Variants in SYT10 observed in about 807,000 individuals in gnomAD.
SYT10 encodes the protein synaptotagmin-10.
A neutral mutation model predicts 51.1 loss-of-function variants in SYT10; 31 were observed. The ratio of observed to expected loss-of-function variants is 0.61; its 90% confidence interval spans 0.46 to 0.82. The LOEUF is 0.82. Among genes scored for constraint, SYT10 ranks in the 40% least tolerant of loss-of-function variants. The pLI is 0.00. For missense variants in SYT10, 603 were observed against 634.0 expected (o/e 0.95, Z 0.53); for synonymous variants, 233 against 225.9 (o/e 1.03, Z -0.28).
intron 4 of SYT10, among the ~76,000 whole-genome samples, chr12:33,384,858 T>TATA (rs770592053): frequency 2.6e-4 from 39 of 152,292 alleles, no homozygotes; most frequent in Middle Eastern, 3.4e-3. Context: ...AATCTTCCTT[T>TATA]ATAAAAACTG....
At chr12:33,429,594 T>C (rs1866580818) in intron 1 of SYT10, among the ~76,000 whole-genome samples, 1 of 152,180 alleles carries the variant, frequency 6.6e-6, no homozygotes, top group Non-Finnish European at 1.5e-5. Flanking sequence ...GGTTTGTTTA[T>C]TTTTCCAGAA....
At chr12:33,438,679 C>G (rs910147921) in intron 1 of SYT10, among the ~76,000 whole-genome samples, 2 of 152,188 alleles carry the variant, frequency 1.3e-5, no homozygotes, top group African/African-American at 2.4e-5. Flanking sequence ...GGATTTTAAA[C>G]GTCTCCCCTC....
intron 2 of SYT10, among the ~76,000 whole-genome samples, chr12:33,422,620 C>T (rs533799559): frequency 2.0e-5 from 3 of 151,848 alleles, no homozygotes; most frequent in African/African-American, 7.2e-5. Context: ...GATCACAGTA[C>T]CTTATCTGCT....
intron 3 of SYT10, among the ~76,000 whole-genome samples, chr12:33,395,526 G>A (rs1431464411): frequency 6.6e-6 from 1 of 152,150 alleles, no homozygotes; most frequent in East Asian, 1.9e-4. Flanking sequence ...CAACCTTCAA[G>A]CATTAAAATA....
intron 3 of SYT10, among the ~76,000 whole-genome samples, chr12:33,386,065 C>T (rs1866154010): frequency 6.6e-6 from 1 of 152,082 alleles, no homozygotes; most frequent in Admixed American, 6.6e-5. Context: ...GCTCTGTTGC[C>T]CAGGCTGGAG....
Position 33,407,359 on chromosome 12 carries a change from G to A in SYT10, c.510-3C>T. On this transcript the variant is annotated splice_region_variant and splice_polypyrimidine_tract_variant and intron_variant, in intron 2 of 6. Transcript: ENST00000228567. ...GGTGTCTTCGGAAGGAACTGTGGCT[G>A]AACACACACACATATACACAAAATC... 1 of 1,601,280 alleles carries A rather than the reference G, an allele frequency of 6.2e-7. No homozygotes were observed. Among genetic ancestry groups the A allele is most frequent in the Non-Finnish European group, 8.5e-7 (1 of 1,179,618 alleles).
chr12:33,439,004 G>A (rs1324061378), intron 1 of SYT10, among the ~76,000 whole-genome samples: 3 of 152,218 alleles, frequency 2.0e-5, no homozygotes, highest in South Asian at 2.1e-4. Context: ...GCCCCCACAA[G>A]CAGCCAAGCC....
intron 1 of SYT10, chr12:33,432,493 A>T (rs1239103134): frequency 1.3e-5 from 2 of 152,122 alleles, no homozygotes; most frequent in Non-Finnish European, 2.9e-5. Flanking sequence ...GCTTTCACAT[A>T]GTAAGCGCTC....
At chr12:33,401,339 T>C (rs1370834949) in intron 3 of SYT10, among the ~76,000 whole-genome samples, 1 of 152,210 alleles carries the variant, frequency 6.6e-6, no homozygotes, top group East Asian at 1.9e-4. Flanking sequence ...TTATTCCCTA[T>C]GCTGGAGATG....
At chr12:33,426,776 T>C (rs1457804475) in intron 1 of SYT10, among the ~76,000 whole-genome samples, 1 of 152,164 alleles carries the variant, frequency 6.6e-6, no homozygotes, top group Non-Finnish European at 1.5e-5. Context: ...GTTCAAGATT[T>C]TGCAAACAAG....
intron 3 of SYT10, among the ~76,000 whole-genome samples, chr12:33,394,019 T>G (rs1307149035): frequency 1.3e-5 from 2 of 152,180 alleles, no homozygotes; most frequent in African/African-American, 4.8e-5. Context: ...GGTTGATGGG[T>G]GTAAGATCCT....
At chr12:33,396,383 A>G (rs1389550566) in intron 3 of SYT10, among the ~76,000 whole-genome samples, 4 of 152,226 alleles carry the variant, frequency 2.6e-5, no homozygotes, top group African/African-American at 9.6e-5. Context: ...TTGGACAGAA[A>G]TGAAAATCTG....
At chr12:33,435,936 TTA>T (rs1310783449) in intron 1 of SYT10, among the ~76,000 whole-genome samples, 1 of 152,226 alleles carries the variant, frequency 6.6e-6, no homozygotes, top group East Asian at 1.9e-4. Context: ...GTCTAAATTT[TTA>T]TTTTAGAATT....
chr12:33,388,841 CAAAATA>C (rs1204911523), intron 3 of SYT10, among the ~76,000 whole-genome samples: 1 of 152,008 alleles, frequency 6.6e-6, no homozygotes, highest in Non-Finnish European at 1.5e-5. Flanking sequence ...AGTCTCTTTC[CAAAATA>C]AAAATAAAAG....
chr12:33,438,826 G>C (rs1351482280), intron 1 of SYT10, among the ~76,000 whole-genome samples: 1 of 152,244 alleles, frequency 6.6e-6, no homozygotes, highest in Non-Finnish European at 1.5e-5. Flanking sequence ...ATTGTCAGGT[G>C]CCCGACAGGT....
chr12:33,439,260 G>T, intron 1 of SYT10, 112 bp downstream of exon 1: 6 of 1,367,382 alleles, frequency 4.4e-6, no homozygotes, highest in Non-Finnish European at 5.9e-6. Flanking sequence ...AAAGCGTGGC[G>T]CCCCAAATAT....
At chr12:33,388,757 T>C (rs138277993) in intron 3 of SYT10, among the ~76,000 whole-genome samples, 239 of 152,310 alleles carry the variant, frequency 1.6e-3, no homozygotes, top group African/African-American at 5.3e-3. Context: ...GCTGGGTAGA[T>C]AAAGACCATT....
chr12:33,390,325 G>C (rs1341052399), intron 3 of SYT10, among the ~76,000 whole-genome samples: 1 of 152,132 alleles, frequency 6.6e-6, no homozygotes, highest in African/African-American at 2.4e-5. Context: ...GATCTAGTTG[G>C]GGATTCATGA....
At chr12:33,402,487 C>T (rs1180902465) in intron 3 of SYT10, among the ~76,000 whole-genome samples, 1 of 152,072 alleles carries the variant, frequency 6.6e-6, no homozygotes, top group African/African-American at 2.4e-5. Context: ...TTTGTGGAGG[C>T]TATCAGGAAA....
Sources: allele counts gnomAD v4.1 joint callset (sites outside exome capture counted in the v4.1 genomes callset), GRCh38; gene constraint gnomAD v4.1.1; transcripts MANE v1.5; gene names NCBI Gene and HGNC (gene_info 2026-07-23, HGNC 2026-07-21).